The following ROR1 variants were observed in gnomAD, a reference collection of about 807,000 sequenced individuals.
ROR1 encodes the protein inactive tyrosine-protein kinase transmembrane receptor ROR1.
In ROR1, 19 loss-of-function variants were observed where a neutral mutation model predicts 78.8. The observed-to-expected ratio is 0.24, with a 90% CI of 0.17 to 0.35. ROR1 has a LOEUF of 0.35. Ranked by LOEUF, ROR1 falls within the 10% of genes least tolerant of loss-of-function variation. The pLI, the probability that ROR1 is intolerant of heterozygous loss-of-function variation, is 1.00. For missense variants in ROR1, 917 were observed against 1,177.8 expected, an observed-to-expected ratio of 0.78 and a Z score of 3.24; for synonymous variants, 386 against 433.6, an observed-to-expected ratio of 0.89 and a Z score of 1.36.
rs756469964 is a variant in ROR1 at position 64,178,417 on chromosome 1, G to A, written c.2376G>A (p.Pro792=). 35 of 1,613,974 alleles carry A rather than the reference G, an allele frequency of 2.2e-5. No individual in the cohort carries two copies. Among genetic ancestry groups the A allele is most frequent in the Admixed American group, 1.5e-4 (9 of 59,992 alleles). ...CCAGATATCCTAATTACATGTTCCC[G>A]AGCCAGGGTATTACACCACAGGGCC... The part of the protein sequence containing the change: ...SNPRYPNYMF[P]SQGITPQGQI... Residue 792 remains proline, a synonymous_variant, in exon 9 of 9, where the codon CCG becomes CCA. Transcript: ENST00000371079. This position sits in a 1 kb window ranked among gnomAD's most constrained non-coding sequence, Gnocchi z 4.3.
chr1:64,123,054 A>T (rs879401426), intron 4 of ROR1, among the ~76,000 whole-genome samples: 9 of 152,130 alleles, frequency 5.9e-5, no homozygotes, highest in Non-Finnish European at 1.2e-4. Flanking sequence ...CTACCAACTG[A>T]TGCACCATCT....
At chr1:63,811,031 C>T (rs1644856996) in intron 1 of ROR1, among the ~76,000 whole-genome samples, 1 of 152,102 alleles carries the variant, frequency 6.6e-6, no homozygotes, top group African/African-American at 2.4e-5. Flanking sequence ...TAGAAACTGA[C>T]CCTAAGAGAG....
intron 4 of ROR1, among the ~76,000 whole-genome samples, chr1:64,123,815 T>C (rs1648624132): frequency 6.6e-6 from 1 of 152,198 alleles, no homozygotes; most frequent in African/African-American, 2.4e-5. Flanking sequence ...AAGATATTTA[T>C]AAATTCATGT....
intron 1 of ROR1, among the ~76,000 whole-genome samples, chr1:63,822,536 T>G (rs1644929721): frequency 2.0e-5 from 3 of 152,218 alleles, no homozygotes; most frequent in African/African-American, 7.2e-5. Context: ...ATAATTATTT[T>G]AATTTAAGCT....
chr1:64,122,713 C>A (rs1648584711), intron 4 of ROR1, among the ~76,000 whole-genome samples: 1 of 152,184 alleles, frequency 6.6e-6, no homozygotes, highest in African/African-American at 2.4e-5. Flanking sequence ...GTCCTTCAAG[C>A]ATTTGAACGA....
chr1:63,852,398 T>C (rs1161026890), intron 1 of ROR1, among the ~76,000 whole-genome samples: 1 of 152,232 alleles, frequency 6.6e-6, no homozygotes, highest in East Asian at 1.9e-4. Flanking sequence ...CTTAGAAGTC[T>C]GCTCCCTCTT....
At chr1:64,080,817 G>C in intron 4 of ROR1, among the ~76,000 whole-genome samples, 1 of 152,184 alleles carries the variant, frequency 6.6e-6, no homozygotes, top group East Asian at 1.9e-4. Flanking sequence ...AGATTGGACA[G>C]TAGAGCTCAG....
At chr1:64,129,855 T>C (rs1262824461) in intron 4 of ROR1, among the ~76,000 whole-genome samples, 1 of 152,190 alleles carries the variant, frequency 6.6e-6, no homozygotes, top group Non-Finnish European at 1.5e-5. Context: ...CTGTTCCAAG[T>C]GAAATGCAAA....
At chr1:63,817,645 G>A (rs558346080) in intron 1 of ROR1, among the ~76,000 whole-genome samples, 1 of 152,150 alleles carries the variant, frequency 6.6e-6, no homozygotes, top group Non-Finnish European at 1.5e-5. Context: ...GGCTTTGGGG[G>A]CTGCAAGGGT....
chr1:64,009,065 G>C, intron 1 of ROR1, among the ~76,000 whole-genome samples: 1 of 152,128 alleles, frequency 6.6e-6, no homozygotes, highest in East Asian at 1.9e-4. Flanking sequence ...TCAAGCCAGT[G>C]TTTTGAAGTA....
intron 1 of ROR1, among the ~76,000 whole-genome samples, chr1:63,775,723 T>C (rs1476543813): frequency 3.3e-5 from 5 of 152,204 alleles, no homozygotes; most frequent in Non-Finnish European, 7.3e-5. Flanking sequence ...GAAAACACAC[T>C]CTGGAAGGAA....
At chr1:63,789,428 G>C (rs1184931003) in intron 1 of ROR1, 1 of 313,358 alleles carries the variant, frequency 3.2e-6, no homozygotes, top group Non-Finnish European at 6.1e-6. Context: ...TGTCGGGACT[G>C]GGCACTGCCT....
chr1:63,928,260 G>A (rs954802113), intron 1 of ROR1, among the ~76,000 whole-genome samples: 1 of 152,102 alleles, frequency 6.6e-6, no homozygotes, highest in Non-Finnish European at 1.5e-5. Context: ...CCCTTTTCTT[G>A]TTGCTCCTGG....
At chr1:63,810,057 G>C (rs376401902) in intron 1 of ROR1, among the ~76,000 whole-genome samples, 4 of 152,298 alleles carry the variant, frequency 2.6e-5, no homozygotes, top group South Asian at 2.1e-4. Flanking sequence ...GAGTTTAAAG[G>C]CCAGGTGTTT....
chr1:64,127,475 C>T (rs532839931), intron 4 of ROR1, among the ~76,000 whole-genome samples: 27 of 151,728 alleles, frequency 1.8e-4, no homozygotes, highest in African/African-American at 6.3e-4. Flanking sequence ...GTCTCTTTCT[C>T]TGTCTCCTCT....
intron 1 of ROR1, among the ~76,000 whole-genome samples, chr1:63,950,362 A>G (rs535041105): frequency 1.3e-5 from 2 of 152,342 alleles, no homozygotes; most frequent in South Asian, 2.1e-4. Context: ...TCTTCCTTTC[A>G]GACCATATAG....
intron 1 of ROR1, among the ~76,000 whole-genome samples, chr1:63,961,852 C>T (rs1388880151): frequency 1.3e-5 from 2 of 152,122 alleles, no homozygotes; most frequent in Admixed American, 1.3e-4. Context: ...CTGAATGTTC[C>T]AAACCCAAAT....
chr1:64,039,437 G>A (rs1211921887), intron 2 of ROR1, among the ~76,000 whole-genome samples: 1 of 152,180 alleles, frequency 6.6e-6, no homozygotes, highest in Non-Finnish European at 1.5e-5. Context: ...AAGCCACCTA[G>A]GCTCCACTTA....
intron 1 of ROR1, among the ~76,000 whole-genome samples, chr1:63,778,728 C>G (rs953333834): frequency 1.3e-5 from 2 of 152,272 alleles, no homozygotes; most frequent in Middle Eastern, 3.4e-3. Context: ...TCACAACAAC[C>G]CTATAAGGGA....
Sources: allele counts gnomAD v4.1 joint callset (sites outside exome capture counted in the v4.1 genomes callset), GRCh38; gene constraint gnomAD v4.1.1; non-coding constraint Gnocchi (gnomAD v3.1); transcripts MANE v1.5; gene names NCBI Gene and HGNC (gene_info 2026-07-23, HGNC 2026-07-21).